Variants in ITGAE observed in about 807,000 individuals in gnomAD.
ITGAE encodes the protein integrin alpha-E.
Under a neutral mutation model 136.5 loss-of-function variants are expected in ITGAE, and 99 were observed. That is an observed-to-expected ratio of 0.73 (90% CI 0.62 to 0.86). ITGAE has a LOEUF of 0.86. Ranked by LOEUF, ITGAE falls within the 40% of genes least tolerant of loss-of-function variation. The pLI is 0.00. For synonymous variants in ITGAE, 613 were observed against 591.8 expected (o/e 1.04, Z -0.52); for missense variants, 1,447 against 1,515.3 (o/e 0.95, Z 0.75).
In ITGAE at chr17:3,798,321, C is replaced by T. The variant is rs889847515; in HGVS notation, c.34+2790G>A. ...GGATAGGGGTGGCCTCGCCTCTGCC[C>T]GCACCTCCAGGGCCCAGCATGTCCC... On this transcript the variant is annotated intron_variant, in intron 1 of 30. Transcript: ENST00000263087. The surrounding 1 kb of genome is among the most constrained non-coding windows in gnomAD (Gnocchi z 4.3). 2.0e-5 allele frequency among the ~76,000 whole-genome samples: 3 copies of T among 152,162 alleles called. No individual in the cohort carries two copies. The highest frequency in any genetic ancestry group is 4.4e-5 in the Non-Finnish European group (3 of 68,018).
At chr17:3,765,510 T>C (rs1278767795) in intron 2 of ITGAE, among the ~76,000 whole-genome samples, 1 of 152,102 alleles carries the variant, frequency 6.6e-6, no homozygotes, top group Non-Finnish European at 1.5e-5. Context: ...CGTATCGGCA[T>C]GGCTTACAGA....
At chr17:3,774,742 GT>G (rs1350350989) in intron 2 of ITGAE, among the ~76,000 whole-genome samples, 1 of 152,080 alleles carries the variant, frequency 6.6e-6, no homozygotes, top group Non-Finnish European at 1.5e-5. Context: ...TCCAGCCTGG[GT>G]GACAGAGCAA....
chr17:3,741,992 G>T (rs562010556), intron 19 of ITGAE, among the ~76,000 whole-genome samples: 1 of 152,164 alleles, frequency 6.6e-6, no homozygotes, highest in Non-Finnish European at 1.5e-5. Context: ...CAGGAGAATT[G>T]CTTGAACTTG....
At chr17:3,796,059 GTGCATCCGTGTTTGTGCATCCCTGTGTA>G (rs1173834511) in intron 1 of ITGAE, among the ~76,000 whole-genome samples, 4,719 of 145,484 alleles carry the variant, frequency 0.032, 165 homozygotes, top group Middle Eastern at 0.04. Flanking sequence ...ATCTGTGTGT[GTGCATCCGTGTTTGTGCATCCCTGTGTA>G]TGCATCCGTG....
intron 23 of ITGAE, 29 bp from the exon 24 acceptor site, chr17:3,729,584 C>T (rs755264286): frequency 7.3e-7 from 1 of 1,370,022 alleles, no homozygotes; most frequent in South Asian, 1.2e-5. Flanking sequence ...GTTCATAGCA[C>T]ACCTGCTTTG....
At chr17:3,781,646 G>A (rs531093276) in intron 1 of ITGAE, among the ~76,000 whole-genome samples, 4 of 152,252 alleles carry the variant, frequency 2.6e-5, no homozygotes, top group East Asian at 1.9e-4. Flanking sequence ...CGTGAGCCAA[G>A]GCCCGGTCTC....
intron 1 of ITGAE, among the ~76,000 whole-genome samples, chr17:3,800,357 C>T (rs1006339153): frequency 5.9e-5 from 9 of 152,064 alleles, no homozygotes; most frequent in African/African-American, 2.2e-4. Context: ...ACCTCCTGAG[C>T]AGGGGCAGGA....
At chr17:3,763,365 A>G (rs1264129064) in intron 3 of ITGAE, among the ~76,000 whole-genome samples, 2 of 152,046 alleles carry the variant, frequency 1.3e-5, no homozygotes, top group Non-Finnish European at 2.9e-5. Flanking sequence ...TACCTAATAT[A>G]TGTCAGGCCC....
At position 3,751,743 on chromosome 17, in the gene ITGAE, G is replaced by A. The variant is rs1209891419; in HGVS notation, c.1800C>T (p.Pro600=). 3 of 1,613,930 alleles carry A rather than the reference G, an allele frequency of 1.9e-6. No individual in the cohort carries two copies. Among genetic ancestry groups the A allele is most frequent in the Non-Finnish European group, 1.7e-6 (2 of 1,179,980 alleles). ...CATCATCTGCCCCAAAACCTTCCAG[G>A]GGGGCCCCGATGGCCACATCTGTGA... is the stretch of plus-strand genomic sequence containing the variant. ...DKLTDVAIGA[P]LEGFGADDGA... is the part of the protein sequence containing the mutation. The change falls in exon 15 of 31, where the codon CCC becomes CCT. Residue 600 remains proline, a synonymous_variant. Coordinates refer to ENST00000263087, the MANE Select transcript of ITGAE (RefSeq NM_002208.5).
intron 3 of ITGAE, among the ~76,000 whole-genome samples, chr17:3,763,540 A>T (rs971929012): frequency 1.3e-5 from 2 of 152,132 alleles, no homozygotes; most frequent in African/African-American, 4.8e-5. Context: ...CATTCTCTGA[A>T]CTGTAGCTTC....
intron 2 of ITGAE, among the ~76,000 whole-genome samples, chr17:3,765,483 A>G (rs1444667061): frequency 2.2e-4 from 33 of 152,040 alleles, no homozygotes; most frequent in Admixed American, 2.2e-3. Context: ...ATTTTAATAC[A>G]TTATGAAATA....
At chr17:3,754,062 T>A in intron 12 of ITGAE, 137 bp from the exon 13 acceptor site, 1 of 988,678 alleles carries the variant, frequency 1.0e-6, no homozygotes, top group Non-Finnish European at 1.5e-6. Flanking sequence ...TCTTTCTCAC[T>A]ATGTTAAAAA....
intron 1 of ITGAE, among the ~76,000 whole-genome samples, chr17:3,793,711 G>A (rs553658099): frequency 2.0e-5 from 3 of 152,208 alleles, no homozygotes; most frequent in African/African-American, 7.2e-5. Context: ...AGCACTCCTG[G>A]CTAATTTTTG....
In ITGAE at chr17:3,800,755, C is replaced by G. The variant is rs527876972; in HGVS notation, c.34+356G>C. Among the ~76,000 whole-genome samples, 7 of 152,330 alleles carry G rather than the reference C, an allele frequency of 4.6e-5. No homozygotes were observed. In the East Asian group the frequency reaches 9.6e-4, roughly 21 times the overall value. On this transcript the variant is annotated intron_variant, in intron 1 of 30. Coordinates refer to ENST00000263087, the MANE Select transcript of ITGAE (RefSeq NM_002208.5). ...CAGAAGGGAGCTCTGCCAGGCGGAG[C>G]CTCCACACTCAGAGAACAAACTACA...
chr17:3,741,171 G>A (rs1481957266), intron 19 of ITGAE, among the ~76,000 whole-genome samples: 2 of 139,912 alleles, frequency 1.4e-5, no homozygotes, highest in Admixed American at 7.9e-5. Context: ...TCCGCCTCCC[G>A]GGTTCACGCC....
chr17:3,735,290 C>G (rs2051437029), intron 20 of ITGAE, among the ~76,000 whole-genome samples: 1 of 152,232 alleles, frequency 6.6e-6, no homozygotes, highest in East Asian at 1.9e-4. Context: ...GTCTCAGCCT[C>G]CTGAGTAGCT....
intron 10 of ITGAE, 140 bp from the exon 11 acceptor site, chr17:3,756,037 G>T: frequency 2.7e-6 from 2 of 740,086 alleles, no homozygotes; most frequent in Non-Finnish European, 4.5e-6. Flanking sequence ...TGAGGGTAGA[G>T]ACCCAGGTTC....
At position 3,731,333 on chromosome 17, in the gene ITGAE, T is replaced by A. The variant is rs996705714; in HGVS notation, c.2755-150A>T. On this transcript the variant is annotated intron_variant, in intron 22 of 30. Transcript: ENST00000263087. ...CTAACACAGCATGTTTCCTTTCCCT[T>A]CCTTTTTTTTTTTTTTTTTTTTTTT... 7 of 467,128 alleles carry A rather than the reference T, an allele frequency of 1.5e-5. No individual in the cohort carries two copies. The Admixed American group carries it at 1.6e-4, about 11-fold the overall frequency. 28.9% of individuals were successfully genotyped at this position (467,128 alleles called of 1,614,324 possible).
chr17:3,768,209 T>G (rs1376298053), intron 2 of ITGAE, among the ~76,000 whole-genome samples: 1 of 152,146 alleles, frequency 6.6e-6, no homozygotes, highest in Non-Finnish European at 1.5e-5. Context: ...ACTGCAGCCT[T>G]GACCTCCCAG....
Sources: allele counts gnomAD v4.1 joint callset (sites outside exome capture counted in the v4.1 genomes callset), GRCh38; gene constraint gnomAD v4.1.1; non-coding constraint Gnocchi (gnomAD v3.1); transcripts MANE v1.5; gene names NCBI Gene and HGNC (gene_info 2026-07-23, HGNC 2026-07-21).